The following MAP3K7 variants were observed in gnomAD, a reference collection of about 807,000 sequenced individuals.
The protein encoded by MAP3K7 is TGF-beta activated kinase 1.
MAP3K7 carries 21 observed loss-of-function variants against 84.8 expected under a neutral mutation model. That is an observed-to-expected ratio of 0.25 (90% CI 0.18 to 0.36). MAP3K7 has a LOEUF of 0.36. Among genes scored for constraint, MAP3K7 ranks in the 10% least tolerant of loss-of-function variants. The pLI, the probability that MAP3K7 is intolerant of heterozygous loss-of-function variation, is 1.00. For missense variants in MAP3K7, 503 were observed against 747.7 expected (o/e 0.67, Z 3.82); for synonymous variants, 241 against 247.7 (o/e 0.97, Z 0.25).
intron 13 of MAP3K7, among the ~76,000 whole-genome samples, chr6:90,531,970 A>AG (rs1426149129): frequency 6.6e-6 from 1 of 151,966 alleles, no homozygotes; most frequent in African/African-American, 2.4e-5. Flanking sequence ...AAAAAAAAAA[A>AG]AAGAAGAAAC....
At chr6:90,564,130 A>T (rs1776618441) in intron 3 of MAP3K7, among the ~76,000 whole-genome samples, 2 of 152,232 alleles carry the variant, frequency 1.3e-5, no homozygotes, top group Admixed American at 6.5e-5. Flanking sequence ...AATTGTAAAG[A>T]CCATTGATGC....
chr6:90,546,771 CACA>C (rs1776014247), intron 11 of MAP3K7, among the ~76,000 whole-genome samples: 1 of 151,972 alleles, frequency 6.6e-6, no homozygotes, highest in Non-Finnish European at 1.5e-5. Context: ...AAAAATTAAC[CACA>C]ACCAGCTTAG....
In MAP3K7 at chr6:90,558,269, C is replaced by T. The variant is rs549612554; in HGVS notation, c.483-1645G>A. Among the ~76,000 whole-genome samples, 10 of 152,134 alleles carry T rather than the reference C, an allele frequency of 6.6e-5. No individual in the cohort carries two copies. In the South Asian group the frequency reaches 2.1e-3, roughly 32 times the overall value. On this transcript the variant is annotated intron_variant, in intron 5 of 16. Coordinates refer to ENST00000369329, the MANE Select transcript of MAP3K7 (RefSeq NM_145331.3). Reference sequence around the variant, plus strand: ...CCCGGGAGGTGGAGGTTGTAGTGAGCTGAGATTGCGCCACTGCACTCCAGC... The same window carrying T: ...CCCGGGAGGTGGAGGTTGTAGTGAGTTGAGATTGCGCCACTGCACTCCAGC...
rs143082206 is a variant in MAP3K7, at chr6:90,564,914, C to A, written c.298-3247G>T. On this transcript the variant is annotated intron_variant, in intron 3 of 16. Transcript: ENST00000369329. Reference sequence around the variant, plus strand: ...TCAAACTAGACTCAGGATTAAGAAACTCACTCAAAACCACTCAACTACATG... The same window carrying A: ...TCAAACTAGACTCAGGATTAAGAAAATCACTCAAAACCACTCAACTACATG... Among the ~76,000 whole-genome samples the A allele has an allele frequency of 1.4e-4, 22 of 152,318 alleles. No individual in the cohort carries two copies. The East Asian group carries it at 3.9e-3, about 27-fold the overall frequency.
chr6:90,575,058 G>C (rs1299479577), intron 1 of MAP3K7, among the ~76,000 whole-genome samples: 1 of 152,148 alleles, frequency 6.6e-6, no homozygotes, highest in African/African-American at 2.4e-5. Context: ...TAACTGCTGT[G>C]AATTCAAAGG....
Position 90,548,059 on chromosome 6 carries a change from C to T in MAP3K7, c.1068G>A (p.Gln356=). ...KRLESKLLKN[Q]AKQQSESGRL... ...TAACATAACAAACCTGTTGCTTTGC[C>T]TGATTTTTCAACAATTTTGATTCTA... The change falls in exon 10 of 17, where the codon CAG becomes CAA. Residue 356 remains glutamine, a synonymous_variant. Transcript: ENST00000369329. 1.9e-6 allele frequency: 3 copies of T among 1,609,666 alleles called. No homozygotes were observed. Among genetic ancestry groups the T allele is most frequent in the African/African-American group, 1.3e-5 (1 of 74,814 alleles).
In MAP3K7 at chr6:90,568,640, G is replaced by A. The variant is rs1265447604; in HGVS notation, c.232-17C>T. ...CTGCCGAAGCTGTTAAGAAATTAAG[G>A]TTTCTTTTAAAAAGTGATAACTTTT... On this transcript the variant is annotated splice_polypyrimidine_tract_variant and intron_variant, in intron 2 of 16. Transcript: ENST00000369329. 6.3e-7 allele frequency: 1 copy of A among 1,590,108 alleles called. No individual in the cohort carries two copies. The highest frequency in any genetic ancestry group is 8.6e-7 in the Non-Finnish European group (1 of 1,168,846).
chr6:90,540,239 G>A (rs143135765), intron 12 of MAP3K7, among the ~76,000 whole-genome samples: 66 of 151,860 alleles, frequency 4.3e-4, no homozygotes, highest in Non-Finnish European at 9.3e-4. Flanking sequence ...GCATTTTATT[G>A]CTCTCGAATG....
chr6:90,526,028 T>C (rs1038714567), intron 13 of MAP3K7, among the ~76,000 whole-genome samples: 2 of 152,138 alleles, frequency 1.3e-5, no homozygotes, highest in African/African-American at 2.4e-5. Context: ...TTTAAACTTT[T>C]TGTAGAGATG....
chr6:90,521,681 A>G (rs1264633986), intron 14 of MAP3K7, among the ~76,000 whole-genome samples: 1 of 152,086 alleles, frequency 6.6e-6, no homozygotes, highest in Non-Finnish European at 1.5e-5. Flanking sequence ...ACATGTTTGC[A>G]AAGTACTAAG....
chr6:90,560,724 T>C (rs545148741), intron 4 of MAP3K7, among the ~76,000 whole-genome samples: 2 of 152,206 alleles, frequency 1.3e-5, no homozygotes, highest in African/African-American at 2.4e-5. Flanking sequence ...ATAATTGCCA[T>C]GATATTAACA....
chr6:90,528,539 A>AATTC (rs1363860904), intron 13 of MAP3K7, among the ~76,000 whole-genome samples: 20 of 152,220 alleles, frequency 1.3e-4, no homozygotes, highest in African/African-American at 4.8e-4. Flanking sequence ...AGGTCTTGAA[A>AATTC]AGCCACAATG....
intron 5 of MAP3K7, among the ~76,000 whole-genome samples, chr6:90,558,257 G>A (rs769387308): frequency 5.9e-5 from 9 of 152,142 alleles, no homozygotes; most frequent in Non-Finnish European, 1.2e-4. Context: ...GGGAGGTGGA[G>A]GTTGTAGTGA....
intron 14 of MAP3K7, 152 bp from the exon 15 acceptor site, chr6:90,519,471 A>C: frequency 1.7e-6 from 1 of 603,546 alleles, no homozygotes; most frequent in South Asian, 2.0e-5. Flanking sequence ...TCTATTTCTG[A>C]ATTCTAAAGG....
chr6:90,523,126 A>G (rs1256619469), intron 14 of MAP3K7, among the ~76,000 whole-genome samples: 1 of 152,120 alleles, frequency 6.6e-6, no homozygotes, highest in Non-Finnish European at 1.5e-5. Context: ...CATGTTGGGG[A>G]GCTTTAATAA....
chr6:90,561,656 C>T lies in MAP3K7; in HGVS notation c.309G>A (p.Val103=). ...AAGAGCCCCCTTCAGCATATTCCAT[C>T]ACAAGACACACCTAAAGGAAACATA... ...YGACLNPVCL[V]MEYAEGGSLY... The change falls in exon 4 of 17, where the codon GTG becomes GTA. Residue 103 remains valine, a synonymous_variant. Coordinates refer to ENST00000369329, the MANE Select transcript of MAP3K7 (RefSeq NM_145331.3). 6.2e-7 allele frequency: 1 copy of T among 1,611,394 alleles called. No homozygotes were observed. Among genetic ancestry groups the T allele is most frequent in the Non-Finnish European group, 8.5e-7 (1 of 1,177,678 alleles).
chr6:90,553,381 T>G, intron 7 of MAP3K7, 77 bp downstream of exon 7: 1 of 1,333,092 alleles, frequency 7.5e-7, no homozygotes, highest in South Asian at 1.3e-5. Context: ...ATGATATTCT[T>G]TAGGGAAGGG....
intron 13 of MAP3K7, among the ~76,000 whole-genome samples, chr6:90,525,181 G>A (rs1775280017): frequency 6.6e-6 from 1 of 151,652 alleles, no homozygotes; most frequent in Non-Finnish European, 1.5e-5. Flanking sequence ...CAGAGACAGA[G>A]AAAACAGAAA....
At chr6:90,585,002 T>C (rs574002432) in intron 1 of MAP3K7, among the ~76,000 whole-genome samples, 1 of 152,342 alleles carries the variant, frequency 6.6e-6, no homozygotes, top group Non-Finnish European at 1.5e-5. Context: ...CTTTTAGCCA[T>C]ATGACCTTAA....
Sources: gnomAD v4.1 joint callset for allele counts (sites outside exome capture counted in the v4.1 genomes callset) on GRCh38, gnomAD v4.1.1 for gene constraint, MANE v1.5 for transcripts, NCBI Gene and HGNC (gene_info 2026-07-23, HGNC 2026-07-21) for gene names.